Variants in LTN1 observed in about 807,000 individuals in gnomAD.
LTN1 encodes the protein listerin E3 ubiquitin protein ligase 1.
In LTN1, 88 loss-of-function variants were observed where a neutral mutation model predicts 201.2. The ratio of observed to expected loss-of-function variants is 0.44; its 90% CI spans 0.37 to 0.52. The LOEUF is 0.52. Ranked by LOEUF, LTN1 falls within the 20% of genes least tolerant of loss-of-function variation. The pLI, the probability that LTN1 is intolerant of heterozygous loss-of-function variation, is 0.00. For synonymous variants in LTN1, 645 were observed against 713.5 expected (o/e 0.90, Z 1.53); for missense variants, 1,752 against 2,038.7 (o/e 0.86, Z 2.71).
At chr21:28,934,379 A>C (rs2084236990) in intron 27 of LTN1, among the ~76,000 whole-genome samples, 1 of 152,042 alleles carries the variant, frequency 6.6e-6, no homozygotes, top group Admixed American at 6.6e-5. Flanking sequence ...TGTAATCCCA[A>C]ATGTTGGAAG....
chr21:28,986,083 T>A lies in LTN1; in HGVS notation c.345+56A>T. On this transcript the variant is annotated intron_variant, in intron 3 of 29. Transcript: ENST00000361371. The surrounding 1 kb of genome is among the most constrained non-coding windows in gnomAD (Gnocchi z 4.1). The stretch of plus-strand genomic sequence containing the variant: ...AACATTATAAATTTGAGAGTCTCCA[T>A]GACTCCAACCAAAAAATATACAACA... 1.0e-6 allele frequency: 1 copy of A among 957,504 alleles called. No homozygotes were observed. Among genetic ancestry groups the A allele is most frequent in the Non-Finnish European group, 1.7e-6 (1 of 594,712 alleles). 59.3% of individuals were successfully genotyped at this position (957,504 alleles called of 1,614,324 possible). A position where few individuals can be genotyped will look rare whatever the true frequency, so the allele number is the denominator to read the frequency against.
chr21:28,943,727 G>A lies in LTN1; in HGVS notation c.4160C>T (p.Ala1387Val). 6.2e-7 allele frequency: 1 copy of A among 1,613,808 alleles called. No homozygotes were observed. The highest frequency in any genetic ancestry group is 8.5e-7 in the Non-Finnish European group (1 of 1,179,840). ...EYLQTLLNTL[A>V]PLLLFRARPV... ...CCTAGCTCTGAAGAGGAGTAATGGG[G>A]CCAATGTATTTAACAAAGTCTGGAG... The change falls in exon 23 of 30, where the codon GCC (alanine) becomes GTC (valine). Residue 1387 changes from alanine to valine, a missense_variant. Physicochemically the swap from Ala to Val is moderately conservative, Grantham distance 64. Coordinates refer to ENST00000361371, the MANE Select transcript of LTN1 (RefSeq NM_015565.3).
Position 28,954,486 on chromosome 21 carries a change from G to A in LTN1, c.3080-1110C>T, listed in dbSNP as rs553399313. Reference sequence around the variant, plus strand: ...TCCTCTTAGGGTTCAACATTTGAACGTCCACTTGCCAGAAAAAAAATTAGA... The same window carrying A: ...TCCTCTTAGGGTTCAACATTTGAACATCCACTTGCCAGAAAAAAAATTAGA... On this transcript the variant is annotated intron_variant, in intron 16 of 29. Transcript: ENST00000361371. Among the ~76,000 whole-genome samples, 81 of 152,064 alleles carry A rather than the reference G, an allele frequency of 5.3e-4. No individual in the cohort carries two copies. In the South Asian group the frequency reaches 9.8e-3, roughly 18 times the overall value.
chr21:28,985,159 A>G (rs1236075900), intron 3 of LTN1, among the ~76,000 whole-genome samples: 1 of 152,194 alleles, frequency 6.6e-6, no homozygotes, highest in Non-Finnish European at 1.5e-5. Flanking sequence ...TTCAAGACAG[A>G]TTCAAAGTTG....
chr21:28,991,305 GA>G, intron 1 of LTN1, among the ~76,000 whole-genome samples: 1 of 142,944 alleles, frequency 7.0e-6, no homozygotes, highest in Non-Finnish European at 1.5e-5. Flanking sequence ...AAAAAAAAAA[GA>G]AAAAAGAGAA....
At chr21:28,946,094 C>G in intron 20 of LTN1, 58 bp downstream of exon 20, 2 of 1,489,074 alleles carry the variant, frequency 1.3e-6, no homozygotes, top group Non-Finnish European at 1.8e-6. Context: ...GACACAGATA[C>G]GTAATCTTTG....
At chr21:28,943,586 A>T in intron 23 of LTN1, 81 bp downstream of exon 23, 1 of 1,112,982 alleles carries the variant, frequency 9.0e-7, no homozygotes, top group South Asian at 1.5e-5. Context: ...ATTTTACTTT[A>T]AATAATTAAA....
chr21:28,932,665 C>G lies in LTN1; in HGVS notation c.4876-1G>C, dbSNP rs199933235. 6.3e-7 allele frequency: 1 copy of G among 1,598,324 alleles called. No homozygotes were observed. The highest frequency in any genetic ancestry group is 8.5e-7 in the Non-Finnish European group (1 of 1,171,160). ...CTCGAGTAGTAGCTCGAGCTTTAAC[C>G]TGCAATACAACAAAGGATATTTTGT... On this transcript the variant is annotated splice_acceptor_variant, in intron 27 of 29. Coordinates refer to ENST00000361371, the MANE Select transcript of LTN1 (RefSeq NM_015565.3). LOFTEE classifies it high-confidence loss of function.
intron 5 of LTN1, 50 bp from the exon 6 acceptor site, chr21:28,981,349 C>A (rs940108138): frequency 4.0e-6 from 4 of 1,012,374 alleles, no homozygotes; most frequent in Non-Finnish European, 5.4e-6. Flanking sequence ...ATTAGCCAAA[C>A]TATATATCTG....
At chr21:28,932,433 C>T in intron 28 of LTN1, 37 bp downstream of exon 28, 3 of 1,538,238 alleles carry the variant, frequency 2.0e-6, no homozygotes, top group South Asian at 1.2e-5. Flanking sequence ...TCATCTTTTC[C>T]AAGTTTGTAA....
chr21:28,976,944 G>A (rs1378052955), intron 6 of LTN1, among the ~76,000 whole-genome samples: 1 of 152,080 alleles, frequency 6.6e-6, no homozygotes, highest in African/African-American at 2.4e-5. Context: ...TTTTTTAGAT[G>A]GGGTCTAACT....
At chr21:28,962,871 G>C (rs1309662957) in intron 11 of LTN1, among the ~76,000 whole-genome samples, 2 of 152,210 alleles carry the variant, frequency 1.3e-5, no homozygotes, top group Non-Finnish European at 2.9e-5. Flanking sequence ...AAGTGACATA[G>C]ACTTACTGCT....
rs180928145 is a variant in LTN1 at position 28,948,931 on chromosome 21, G to A, written c.3345-1325C>T. 1.9e-3 allele frequency among the ~76,000 whole-genome samples: 295 copies of A among 152,304 alleles called. 2 individuals carry two copies. The highest frequency in any genetic ancestry group is 6.9e-3 in the African/African-American group (288 of 41,548). The stretch of plus-strand genomic sequence containing the variant: ...GTGGAATTGAAAGCTCAAAGGATTT[G>A]AATGTATTATATGTTGGTGATCTCA... On this transcript the variant is annotated intron_variant, in intron 18 of 29. Transcript: ENST00000361371.
chr21:28,979,615 A>T (rs1452510870), intron 6 of LTN1, among the ~76,000 whole-genome samples: 1 of 152,142 alleles, frequency 6.6e-6, no homozygotes, highest in Non-Finnish European at 1.5e-5. Flanking sequence ...ATCCTCACAA[A>T]TCCCATGTTT....
At chr21:28,964,654 G>A in intron 11 of LTN1, 1 of 1,550,466 alleles carries the variant, frequency 6.4e-7, no homozygotes, top group South Asian at 1.2e-5. Flanking sequence ...GGAGGCTAGT[G>A]AGTCATGGAA....
chr21:28,984,975 A>C (rs1421949158), intron 3 of LTN1, 53 bp from the exon 4 acceptor site: 1 of 1,367,072 alleles, frequency 7.3e-7, no homozygotes, highest in Non-Finnish European at 1.0e-6. Flanking sequence ...AAAAACAATC[A>C]CAGACATTTC....
chr21:28,957,601 G>GTT (rs1973276660), intron 14 of LTN1, 125 bp from the exon 15 acceptor site: 1 of 544,034 alleles, frequency 1.8e-6, no homozygotes, highest in Admixed American at 4.0e-5. Context: ...ATAAAAAGAG[G>GTT]TAAGTGACAT....
At chr21:28,959,928 T>A in intron 12 of LTN1, 1 of 253,324 alleles carries the variant, frequency 3.9e-6, no homozygotes, top group Non-Finnish European at 6.2e-6. Flanking sequence ...GTGAGCAAGT[T>A]TGTACACTGA....
intron 25 of LTN1, 40 bp from the exon 26 acceptor site, chr21:28,936,737 C>A (rs1204803211): frequency 6.7e-7 from 1 of 1,492,864 alleles, no homozygotes; most frequent in Non-Finnish European, 9.2e-7. Context: ...ACCAAATACA[C>A]CAAGACAATT....
Sources: allele counts gnomAD v4.1 joint callset (sites outside exome capture counted in the v4.1 genomes callset), GRCh38; gene constraint gnomAD v4.1.1; non-coding constraint Gnocchi (gnomAD v3.1); transcripts MANE v1.5; gene names NCBI Gene and HGNC (gene_info 2026-07-23, HGNC 2026-07-21).